STK33: variants seen among roughly 807,000 people sequenced by gnomAD.
The protein encoded by STK33 is serine/threonine-protein kinase 33.
STK33 carries 52 observed loss-of-function variants against 58.0 expected under a neutral mutation model. The ratio of observed to expected loss-of-function variants is 0.90; its 90% confidence interval spans 0.72 to 1.13. STK33 has a LOEUF of 1.13. STK33 is among the 50% of genes most tolerant of loss of function. The pLI, the probability that STK33 is intolerant of heterozygous loss-of-function variation, is 0.00. For synonymous variants in STK33, 215 were observed against 200.1 expected (o/e 1.07, Z -0.63); for missense variants, 630 against 604.2 (o/e 1.04, Z -0.45).
the STK33 span, among the ~76,000 whole-genome samples, chr11:8,360,289 T>TG: frequency 6.6e-6 from 1 of 152,172 alleles, no homozygotes; most frequent in Non-Finnish European, 1.5e-5. Context: ...AGGGTCTTGT[T>TG]GGGTTCAGGC....
intron 15 of STK33, among the ~76,000 whole-genome samples, chr11:8,410,480 T>TC (rs1255003218): frequency 6.7e-6 from 1 of 148,514 alleles, no homozygotes; most frequent in Non-Finnish European, 1.5e-5. Context: ...CTTTTTTTTT[T>TC]TTTTTTTTCT....
At chr11:8,400,722 C>A (rs1286938225) in intron 15 of STK33, among the ~76,000 whole-genome samples, 4 of 152,170 alleles carry the variant, frequency 2.6e-5, no homozygotes, top group African/African-American at 9.7e-5. Flanking sequence ...TAGAAAACCC[C>A]ATTATCTCAG....
At chr11:8,560,354 CTAAG>C (rs1957037636) in intron 1 of STK33, among the ~76,000 whole-genome samples, 1 of 152,024 alleles carries the variant, frequency 6.6e-6, no homozygotes. Context: ...ATAAATGAGG[CTAAG>C]TATTTTTTCA....
chr11:8,442,714 G>A (rs117123167), intron 11 of STK33, among the ~76,000 whole-genome samples: 4 of 152,210 alleles, frequency 2.6e-5, no homozygotes, highest in Non-Finnish European at 5.9e-5. Context: ...TCCCAAATAA[G>A]ATAAAACAAT....
intron 1 of STK33, among the ~76,000 whole-genome samples, chr11:8,569,755 AAGACTACCCT>A (rs1293202983): frequency 6.6e-6 from 1 of 152,062 alleles, no homozygotes; most frequent in African/African-American, 2.4e-5. Flanking sequence ...CCAGGAATTC[AAGACTACCCT>A]AGGCAACATG....
chr11:8,580,888 T>TAG (rs1247993116), intron 1 of STK33: 1 of 152,134 alleles, frequency 6.6e-6, no homozygotes, highest in Non-Finnish European at 1.5e-5. Context: ...ACTTAGCACT[T>TAG]CATCGTGGGT....
At chr11:8,418,918 C>T (rs1488865507) in intron 14 of STK33, among the ~76,000 whole-genome samples, 1 of 151,990 alleles carries the variant, frequency 6.6e-6, no homozygotes, top group Non-Finnish European at 1.5e-5. Context: ...CTGTTCATGT[C>T]CTTTGCCCAC....
chr11:8,535,861 A>G (rs987439394), intron 1 of STK33, among the ~76,000 whole-genome samples: 1 of 152,192 alleles, frequency 6.6e-6, no homozygotes, highest in African/African-American at 2.4e-5. Flanking sequence ...AGATGAATAG[A>G]TAAAGAAAAT....
At chr11:8,570,235 AAGATT>A (rs1325940352) in intron 1 of STK33, among the ~76,000 whole-genome samples, 4 of 152,214 alleles carry the variant, frequency 2.6e-5, no homozygotes, top group African/African-American at 9.6e-5. Context: ...ATCGTCCAGA[AAGATT>A]AAAGTTTAAA....
chr11:8,513,262 A>G (rs1476405952), intron 1 of STK33, among the ~76,000 whole-genome samples: 1 of 152,012 alleles, frequency 6.6e-6, no homozygotes, highest in East Asian at 1.9e-4. Context: ...CTGCTCACCT[A>G]ACATCTCACT....
intron 14 of STK33, among the ~76,000 whole-genome samples, chr11:8,428,196 T>C (rs1943001440): frequency 6.6e-6 from 1 of 152,208 alleles, no homozygotes. Context: ...AGGTAAGAAG[T>C]CAATGCCTAC....
intron 6 of STK33, chr11:8,466,010 A>T (rs2137493167): frequency 6.6e-6 from 1 of 152,248 alleles, no homozygotes; most frequent in East Asian, 1.9e-4. Flanking sequence ...ATCTCGTGAG[A>T]CCCATTCACT....
chr11:8,392,374 C>T lies in STK33; in HGVS notation c.*136G>A, dbSNP rs893079541. The T allele has an allele frequency of 2.1e-5, 21 of 1,022,272 alleles. No homozygotes were observed. The highest frequency in any genetic ancestry group is 3.2e-5 in the African/African-American group (2 of 62,226). The allele number at this position is 1,022,272 out of a possible 1,614,324, so 63.3% of individuals were successfully genotyped here. A position where few individuals can be genotyped will look rare whatever the true frequency, so the allele number is the denominator to read the frequency against. ...AAGCAGCTTCAATTTTAAGCTGGTG[C>T]AAACACATGGCGGGGCTCTGTGGAG... is the stretch of plus-strand genomic sequence containing the variant. On this transcript the variant is annotated 3_prime_UTR_variant, in exon 16 of 16. Transcript: ENST00000687296.
At chr11:8,358,279 G>C in the STK33 span, among the ~76,000 whole-genome samples, 3 of 115,554 alleles carry the variant, frequency 2.6e-5, no homozygotes, top group Admixed American at 1.1e-4. Flanking sequence ...AGCTTGGGGT[G>C]GGGGGGCATG....
intron 15 of STK33, among the ~76,000 whole-genome samples, chr11:8,409,528 A>G (rs1385194265): frequency 6.6e-6 from 1 of 152,216 alleles, no homozygotes; most frequent in African/African-American, 2.4e-5. Context: ...ATGCATGTAC[A>G]AATTATTTAC....
chr11:8,540,047 C>T (rs1955383025), intron 1 of STK33, among the ~76,000 whole-genome samples: 1 of 152,144 alleles, frequency 6.6e-6, no homozygotes. Flanking sequence ...ACCCAGCAAT[C>T]CCTCTTCTGG....
At chr11:8,343,345 G>T in the STK33 span, among the ~76,000 whole-genome samples, 4 of 152,360 alleles carry the variant, frequency 2.6e-5, no homozygotes, top group Middle Eastern at 3.4e-3. Flanking sequence ...GCTTTGTGAG[G>T]GAGGGCCAAA....
chr11:8,553,753 G>A (rs550316914), intron 1 of STK33, among the ~76,000 whole-genome samples: 1 of 152,184 alleles, frequency 6.6e-6, no homozygotes, highest in Non-Finnish European at 1.5e-5. Context: ...ACATCCACAT[G>A]CAGAAGAATG....
chr11:8,482,799 G>A (rs192567222), intron 1 of STK33, among the ~76,000 whole-genome samples: 27 of 151,320 alleles, frequency 1.8e-4, no homozygotes, highest in African/African-American at 3.6e-4. Flanking sequence ...GCGTGATCTC[G>A]GCTCACTGCA....
Sources: allele counts gnomAD v4.1 joint callset (sites outside exome capture counted in the v4.1 genomes callset), GRCh38; gene constraint gnomAD v4.1.1; transcripts MANE v1.5; gene names NCBI Gene and HGNC (gene_info 2026-07-23, HGNC 2026-07-21).